DNAJC5B: variants seen among roughly 807,000 people sequenced by gnomAD.
DNAJC5B encodes the protein DnaJ heat shock protein family (Hsp40) member C5 beta.
Under a neutral mutation model 24.7 loss-of-function variants are expected in DNAJC5B, and 23 were observed. The ratio of observed to expected loss-of-function variants is 0.93; its 90% confidence interval spans 0.67 to 1.32. DNAJC5B has a LOEUF of 1.32. DNAJC5B is among the 40% of genes most tolerant of loss of function. DNAJC5B has a pLI of 0.00. For synonymous variants in DNAJC5B, 101 were observed against 90.1 expected (o/e 1.12, Z -0.68); for missense variants, 238 against 240.8 (o/e 0.99, Z 0.08).
At chr8:66,094,532 T>C (rs1287664947) in intron 5 of DNAJC5B, among the ~76,000 whole-genome samples, 3 of 152,112 alleles carry the variant, frequency 2.0e-5, no homozygotes, top group Non-Finnish European at 4.4e-5. Context: ...TATTTACCTG[T>C]AAATTCTTTA....
chr8:66,076,721 T>G lies in DNAJC5B; in HGVS notation c.181T>G (p.Phe61Val). The G allele has an allele frequency of 6.2e-7, 1 of 1,614,034 alleles. No homozygotes were observed. Among genetic ancestry groups the G allele is most frequent in the Non-Finnish European group, 8.5e-7 (1 of 1,179,996 alleles). Reference protein sequence around the residue: ...NPDDPAATEKFKEINNAHAIL... With the variant: ...NPDDPAATEKVKEINNAHAIL... ...AGATGATCCAGCTGCTACTGAGAAG[T>G]TTAAAGAAATCAACAACGCCCACGC... Residue 61 changes from phenylalanine to valine, a missense_variant, in exon 4 of 6, where the codon TTT (phenylalanine) becomes GTT (valine). Phe to Val is a conservative substitution (Grantham distance 50). Transcript: ENST00000276570.
chr8:66,046,568 C>G (rs1308298170), intron 2 of DNAJC5B, among the ~76,000 whole-genome samples: 5 of 152,228 alleles, frequency 3.3e-5, no homozygotes, highest in African/African-American at 1.2e-4. Flanking sequence ...AACCAGATAG[C>G]TCTAAATTCA....
intron 3 of DNAJC5B, 30 bp from the exon 4 acceptor site, chr8:66,076,630 A>G: frequency 1.2e-6 from 2 of 1,610,538 alleles, no homozygotes; most frequent in African/African-American, 1.3e-5. Context: ...CAAATAACAC[A>G]CTCTCCTTGT....
At chr8:66,082,055 A>AT (rs1394885298) in intron 5 of DNAJC5B, among the ~76,000 whole-genome samples, 1 of 152,114 alleles carries the variant, frequency 6.6e-6, no homozygotes, top group Non-Finnish European at 1.5e-5. Context: ...TTGCCTGAGA[A>AT]TGACAATCCT....
chr8:66,047,601 C>T (rs372459941), intron 2 of DNAJC5B, among the ~76,000 whole-genome samples: 12 of 152,178 alleles, frequency 7.9e-5, no homozygotes, highest in South Asian at 2.1e-4. Context: ...ACACCATATA[C>T]GAAAGTTGTC....
At chr8:66,060,390 G>A (rs947263381) in intron 3 of DNAJC5B, among the ~76,000 whole-genome samples, 1 of 152,214 alleles carries the variant, frequency 6.6e-6, no homozygotes, top group Non-Finnish European at 1.5e-5. Context: ...GCCGTGGCTT[G>A]TATTCCTTTC....
At chr8:66,062,794 A>G (rs909350568) in intron 3 of DNAJC5B, among the ~76,000 whole-genome samples, 2 of 151,708 alleles carry the variant, frequency 1.3e-5, no homozygotes, top group South Asian at 4.2e-4. Context: ...GCCACTGCAC[A>G]CCAGCCTGGG....
chr8:66,048,916 A>G (rs748088249), intron 2 of DNAJC5B, among the ~76,000 whole-genome samples: 4 of 152,194 alleles, frequency 2.6e-5, no homozygotes, highest in Non-Finnish European at 5.9e-5. Flanking sequence ...GCCAAGCACA[A>G]AGCGAGGCCT....
chr8:66,095,658 GACACACACACACAC>G (rs10566337), intron 5 of DNAJC5B, among the ~76,000 whole-genome samples: 246 of 146,740 alleles, frequency 1.7e-3, no homozygotes, highest in Non-Finnish European at 3.0e-3. Context: ...ACTTTAGCTT[GACACACACACACAC>G]ACACACACAC....
chr8:66,088,120 G>A (rs1489827876), intron 5 of DNAJC5B, among the ~76,000 whole-genome samples: 2 of 152,204 alleles, frequency 1.3e-5, no homozygotes, highest in African/African-American at 4.8e-5. Flanking sequence ...AATCTAGGTG[G>A]AGGATCCCAA....
intron 5 of DNAJC5B, among the ~76,000 whole-genome samples, chr8:66,099,372 G>T (rs1458411912): frequency 6.6e-6 from 1 of 152,154 alleles, no homozygotes; most frequent in African/African-American, 2.4e-5. Context: ...TTTAGGAGTA[G>T]ATTTAGTGAT....
chr8:66,080,660 G>A, intron 5 of DNAJC5B, 112 bp downstream of exon 5: 1 of 895,762 alleles, frequency 1.1e-6, no homozygotes, highest in Non-Finnish European at 1.6e-6. Flanking sequence ...CAACCAAATG[G>A]GTGGAACTTC....
At chr8:66,073,714 A>G (rs1807402325) in intron 3 of DNAJC5B, among the ~76,000 whole-genome samples, 1 of 152,218 alleles carries the variant, frequency 6.6e-6, no homozygotes, top group African/African-American at 2.4e-5. Context: ...TAGAGATCCC[A>G]GAAATCCAGG....
chr8:66,024,007 A>C (rs1339137335), intron 1 of DNAJC5B, among the ~76,000 whole-genome samples: 1 of 152,226 alleles, frequency 6.6e-6, no homozygotes, highest in African/African-American at 2.4e-5. Flanking sequence ...GAAATGAAGA[A>C]TTTTTAAATA....
chr8:66,073,405 A>T (rs1431570627), intron 3 of DNAJC5B, among the ~76,000 whole-genome samples: 2 of 152,162 alleles, frequency 1.3e-5, no homozygotes, highest in Admixed American at 1.3e-4. Flanking sequence ...ACTATACAAA[A>T]GTCAATCTCC....
chr8:66,041,816 A>G (rs958563064), intron 1 of DNAJC5B, among the ~76,000 whole-genome samples: 2 of 152,220 alleles, frequency 1.3e-5, no homozygotes, highest in African/African-American at 4.8e-5. Context: ...CTCTGGCTGT[A>G]TCTTTTGATA....
chr8:66,085,171 G>A (rs561427093), intron 5 of DNAJC5B, among the ~76,000 whole-genome samples: 4 of 152,294 alleles, frequency 2.6e-5, no homozygotes, highest in South Asian at 4.1e-4. Context: ...CGGGCACAGT[G>A]GCTTACATCT....
chr8:66,031,024 C>G (rs917802742), intron 1 of DNAJC5B, among the ~76,000 whole-genome samples: 3 of 152,240 alleles, frequency 2.0e-5, no homozygotes, highest in African/African-American at 7.2e-5. Flanking sequence ...GAGCCCCTCA[C>G]CACCTCTATA....
At chr8:66,077,089 C>T (rs1807484423) in intron 4 of DNAJC5B, among the ~76,000 whole-genome samples, 1 of 152,164 alleles carries the variant, frequency 6.6e-6, no homozygotes. Flanking sequence ...TACTTCTAGA[C>T]ATTAATTATA....
Sources: allele counts gnomAD v4.1 joint callset (sites outside exome capture counted in the v4.1 genomes callset), GRCh38; gene constraint gnomAD v4.1.1; transcripts MANE v1.5; gene names NCBI Gene and HGNC (gene_info 2026-07-23, HGNC 2026-07-21).